The following POLA1 variants were observed in gnomAD, a reference collection of about 807,000 sequenced individuals.
POLA1 encodes DNA polymerase alpha 1, catalytic subunit.
A neutral mutation model predicts 124.0 loss-of-function variants in POLA1; 15 were observed. The ratio of observed to expected loss-of-function variants is 0.12; its 90% CI spans 0.08 to 0.19. The LOEUF (loss-of-function observed/expected upper bound fraction) is 0.19, where lower values mean the gene tolerates loss of function less well. POLA1 is among the 10% of genes least tolerant of loss of function. The pLI is 1.00. For synonymous variants in POLA1, 408 were observed against 389.4 expected, an observed-to-expected ratio of 1.05 and a Z score of -0.56; for missense variants, 886 against 1,103.4, an observed-to-expected ratio of 0.80 and a Z score of 2.79.
intron 4 of POLA1, 52 bp downstream of exon 4, chrX:24,704,521 T>A: frequency 1.2e-6 from 1 of 842,531 alleles, no homozygotes; most frequent in Non-Finnish European, 1.8e-6. Flanking sequence ...AAGAATTCTC[T>A]AAAATTAGAG....
intron 35 of POLA1, among the ~76,000 whole-genome samples, chrX:24,901,405 T>C (rs1182049120): frequency 9.1e-6 from 1 of 109,832 alleles, no homozygotes; most frequent in Admixed American, 9.7e-5. Context: ...ATTTAAAAAA[T>C]AGGAAAAGGG....
chrX:24,940,922 A>G (rs1255261668), intron 36 of POLA1, among the ~76,000 whole-genome samples: 2 of 111,956 alleles, frequency 1.8e-5, no homozygotes, highest in Non-Finnish European at 3.8e-5. Flanking sequence ...TTTATCCAGA[A>G]TTGTTTCATG....
At chrX:24,709,313 C>T (rs2086974820) in intron 4 of POLA1, among the ~76,000 whole-genome samples, 1 of 97,467 alleles carries the variant, frequency 1.0e-5, no homozygotes, top group African/African-American at 3.9e-5. Flanking sequence ...ACCTCCCTCC[C>T]GGATGGGGCG....
chrX:24,743,820 T>C (rs989167751), intron 23 of POLA1, among the ~76,000 whole-genome samples: 1 of 112,082 alleles, frequency 8.9e-6, no homozygotes, highest in Non-Finnish European at 1.9e-5. Context: ...TAGGAGAATA[T>C]CTTTTTCCCT....
At chrX:24,759,229 A>C (rs1443552773) in intron 26 of POLA1, among the ~76,000 whole-genome samples, 3 of 111,950 alleles carry the variant, frequency 2.7e-5, no homozygotes, top group African/African-American at 9.7e-5. Flanking sequence ...TTTTCCACCC[A>C]TATATTGGAT....
intron 34 of POLA1, among the ~76,000 whole-genome samples, chrX:24,869,819 C>T (rs900877630): frequency 2.5e-4 from 28 of 111,026 alleles, no homozygotes; most frequent in African/African-American, 8.5e-4. Context: ...GGACCTCTTC[C>T]TGCACTTAAA....
chrX:24,884,560 T>C (rs938247767), intron 34 of POLA1, among the ~76,000 whole-genome samples: 1 of 112,336 alleles, frequency 8.9e-6, no homozygotes, highest in African/African-American at 3.2e-5. Context: ...CAAAATTGAA[T>C]TGAAGCAAAG....
intron 34 of POLA1, among the ~76,000 whole-genome samples, chrX:24,864,681 A>G: frequency 9.2e-6 from 1 of 108,423 alleles, no homozygotes; most frequent in East Asian, 2.8e-4. Context: ...ACCTAAACCC[A>G]TCTCACTTCT....
intron 10 of POLA1, among the ~76,000 whole-genome samples, chrX:24,718,333 C>T (rs910513778): frequency 2.7e-5 from 3 of 110,918 alleles, no homozygotes; most frequent in Admixed American, 9.6e-5. Context: ...ATTAGTTGGG[C>T]GATGGCCAGG....
In POLA1 at chrX:24,930,461, C is replaced by G. The variant is rs1430572246; in HGVS notation, c.4173C>G (p.Asp1391Glu). The G allele has an allele frequency of 8.5e-7, 1 of 1,175,086 alleles. No homozygotes were observed. The highest frequency in any genetic ancestry group is 2.2e-5 in the Admixed American group (1 of 46,030). ...MKATLQPEYS[D>E]KSLYTQLCFY... ...TTTCTGTTATATTACAGTATTCTGA[C>G]AAGTCCCTGTACACCCAGCTGTGCT... Residue 1391 changes from aspartate (D) to glutamate (E), a missense_variant, in exon 36 of 37, where the codon GAC becomes GAG. Coordinates refer to ENST00000379068, the MANE Select transcript of POLA1 (RefSeq NM_001330360.2).
chrX:24,855,765 G>C lies in POLA1; in HGVS notation c.4047+12088G>C, dbSNP rs150774473. ...TCATCCCTACGTATACTAGGGGTGG[G>C]GGGCAGTGTTCCATGTATACCAAAA... On this transcript the variant is annotated intron_variant, in intron 34 of 36. Coordinates refer to ENST00000379068, the MANE Select transcript of POLA1 (RefSeq NM_001330360.2). 7.5e-3 allele frequency among the ~76,000 whole-genome samples: 837 copies of C among 111,121 alleles called. 6 individuals carry two copies. The highest frequency in any genetic ancestry group is 0.012 in the Non-Finnish European group (643 of 53,010).
At chrX:24,767,266 A>G (rs1932926588) in intron 26 of POLA1, among the ~76,000 whole-genome samples, 1 of 111,942 alleles carries the variant, frequency 8.9e-6, no homozygotes, top group Non-Finnish European at 1.9e-5. Context: ...ATAGTTAAAT[A>G]CTATGGTAAT....
intron 35 of POLA1, among the ~76,000 whole-genome samples, chrX:24,924,081 CAT>C (rs1274972736): frequency 8.9e-6 from 1 of 111,955 alleles, no homozygotes; most frequent in African/African-American, 3.2e-5. Flanking sequence ...AGAGTTTAGA[CAT>C]GTTCCTTAGA....
rs778407882 is a variant in POLA1, at chrX:24,727,853, A to G, written c.1603A>G (p.Ile535Val). The G allele has an allele frequency of 2.5e-6, 3 of 1,207,209 alleles. No homozygotes were observed. In the Admixed American group the frequency reaches 6.5e-5, roughly 26 times the overall value. Residue 535 changes from isoleucine to valine, a missense_variant, in exon 15 of 37, where the codon ATT becomes GTT. Transcript: ENST00000379068. ...MALKPDLVNVIKDVSPPPLVV... is the reference protein window; with the variant it reads ...MALKPDLVNVVKDVSPPPLVV... ...TTTGAAACCAGACCTGGTGAATGTA[A>G]TTAAGGATGTCAGTCCACCACCGCT...
At chrX:24,709,400 C>A (rs1929154946) in intron 4 of POLA1, among the ~76,000 whole-genome samples, 1 of 98,410 alleles carries the variant, frequency 1.0e-5, no homozygotes, top group Non-Finnish European at 2.1e-5. Flanking sequence ...CTGACCCCCC[C>A]ACCTCCCTCC....
chrX:24,742,160 C>G, intron 22 of POLA1, 39 bp downstream of exon 22: 2 of 87,524 alleles, frequency 2.3e-5, no homozygotes, highest in Non-Finnish European at 4.2e-5. Context: ...TTTCTCTTAA[C>G]CCCCCCCCCC....
At chrX:24,710,044 C>T (rs1189008506) in intron 4 of POLA1, among the ~76,000 whole-genome samples, 2 of 104,070 alleles carry the variant, frequency 1.9e-5, no homozygotes, top group Non-Finnish European at 3.9e-5. Flanking sequence ...CAGGCGGCTG[C>T]TCCTTGCCCT....
At chrX:24,749,331 G>C (rs1052559791) in intron 26 of POLA1, among the ~76,000 whole-genome samples, 2 of 110,442 alleles carry the variant, frequency 1.8e-5, no homozygotes, top group Non-Finnish European at 3.8e-5. Flanking sequence ...TTGGGAATGT[G>C]GGGTGGTGAG....
intron 35 of POLA1, among the ~76,000 whole-genome samples, chrX:24,906,625 G>A (rs1479106723): frequency 2.7e-5 from 3 of 110,415 alleles, no homozygotes; most frequent in Admixed American, 9.6e-5. Flanking sequence ...CACCACTAAA[G>A]AACTTATCCA....
Sources: allele counts gnomAD v4.1 joint callset (sites outside exome capture counted in the v4.1 genomes callset), GRCh38; gene constraint gnomAD v4.1.1; transcripts MANE v1.5; gene names NCBI Gene and HGNC (gene_info 2026-07-23, HGNC 2026-07-21).